Variants in LARP1 observed in about 807,000 individuals in gnomAD.
LARP1 encodes la-related protein 1.
A neutral mutation model predicts 122.7 loss-of-function variants in LARP1; 36 were observed. That is an observed-to-expected ratio of 0.29 (90% confidence interval 0.22 to 0.39). The LOEUF (loss-of-function observed/expected upper bound fraction) is 0.39, where lower values mean the gene tolerates loss of function less well. LARP1 is among the 10% of genes least tolerant of loss of function. LARP1 has a pLI of 1.00. For synonymous variants in LARP1, 539 were observed against 528.7 expected, an observed-to-expected ratio of 1.02 and a Z score of -0.27; for missense variants, 1,040 against 1,403.6, an observed-to-expected ratio of 0.74 and a Z score of 4.14.
intron 1 of LARP1, among the ~76,000 whole-genome samples, chr5:154,777,948 T>G (rs907403936): frequency 6.6e-6 from 1 of 152,192 alleles, no homozygotes; most frequent in Non-Finnish European, 1.5e-5. Flanking sequence ...ATTTGGCTCA[T>G]GACTATACTT....
chr5:154,804,292 G>A lies in LARP1; in HGVS notation c.2531G>A (p.Arg844His), dbSNP rs184912149. 13 of 1,613,624 alleles carry A rather than the reference G, an allele frequency of 8.1e-6. No individual in the cohort carries two copies. Among genetic ancestry groups the A allele is most frequent in the Middle Eastern group, 1.6e-4 (1 of 6,082 alleles). The change falls in exon 14 of 19, where the codon CGT becomes CAT. Residue 844 changes from arginine to histidine, a missense_variant. By Grantham distance (29) the Arg-to-His change is conservative. Coordinates refer to ENST00000518297, the MANE Select transcript of LARP1 (RefSeq NM_033551.3). ...WVMDSREHRP[R>H]TASISSSPSE... ...ATGGATTCCCGTGAGCACAGGCCCC[G>A]TACTGCTTCCATCAGGTACCTGGGG...
At chr5:154,770,487 C>CCTCCCTGCCCATCCCTGGCTCT (rs1349901483) in intron 1 of LARP1, among the ~76,000 whole-genome samples, 47 of 152,122 alleles carry the variant, frequency 3.1e-4, no homozygotes, top group African/African-American at 1.0e-3. Flanking sequence ...TCCCTGGCTC[C>CCTCCCTGCCCATCCCTGGCTCT]CTCCCTGCCC....
At chr5:154,800,613 T>C (rs1007723003) in intron 10 of LARP1, among the ~76,000 whole-genome samples, 1 of 152,166 alleles carries the variant, frequency 6.6e-6, no homozygotes, top group African/African-American at 2.4e-5. Flanking sequence ...AGAAATAGTT[T>C]ATATATATAA....
chr5:154,697,021 T>A (rs1441651097), intron 1 of LARP1, among the ~76,000 whole-genome samples: 1 of 152,124 alleles, frequency 6.6e-6, no homozygotes, highest in Non-Finnish European at 1.5e-5. Context: ...TGATACGCAT[T>A]TGTTTCAGAG....
chr5:154,683,428 A>C (rs1229122501), intron 1 of LARP1, among the ~76,000 whole-genome samples: 1 of 152,118 alleles, frequency 6.6e-6, no homozygotes. Flanking sequence ...CAGATTCCCA[A>C]CTCAAAAAAT....
At chr5:154,811,218 C>T (rs759260453) in intron 16 of LARP1, 29 bp from the exon 17 acceptor site, 1 of 1,551,656 alleles carries the variant, frequency 6.4e-7, no homozygotes, top group South Asian at 1.1e-5. Context: ...GAAGAAACTG[C>T]CCTGATTTCA....
chr5:154,753,021 G>A (rs1160279311), upstream of LARP1, among the ~76,000 whole-genome samples: 1 of 151,960 alleles, frequency 6.6e-6, no homozygotes, highest in Middle Eastern at 3.2e-3. Context: ...CCCAGGGTAG[G>A]CAGATCTCAG....
chr5:154,752,689 A>C (rs1753564533), upstream of LARP1, among the ~76,000 whole-genome samples: 1 of 151,958 alleles, frequency 6.6e-6, no homozygotes, highest in African/African-American at 2.4e-5. Context: ...TTGTAATCCC[A>C]GCACTTTGGG....
intron 1 of LARP1, among the ~76,000 whole-genome samples, chr5:154,766,714 C>T (rs1754985822): frequency 6.6e-6 from 1 of 152,210 alleles, no homozygotes. Context: ...TTCTAACCAT[C>T]AGCTGGTTTT....
At chr5:154,711,089 GAA>G (rs1460686862), upstream of LARP1, among the ~76,000 whole-genome samples, 4 of 151,590 alleles carry the variant, frequency 2.6e-5, no homozygotes, top group Admixed American at 1.3e-4. Flanking sequence ...CTGGAATTTT[GAA>G]GACTACTACA....
At chr5:154,711,331 G>A (rs1422334862), upstream of LARP1, among the ~76,000 whole-genome samples, 2 of 151,994 alleles carry the variant, frequency 1.3e-5, no homozygotes, top group African/African-American at 4.8e-5. Flanking sequence ...TAGTAGAGAC[G>A]GGGTTTCACT....
intron 1 of LARP1, among the ~76,000 whole-genome samples, chr5:154,767,655 C>T (rs1313624968): frequency 2.0e-5 from 3 of 152,206 alleles, no homozygotes; most frequent in Non-Finnish European, 4.4e-5. Context: ...GTAAAACTCT[C>T]CCACTCTCTT....
chr5:154,728,179 C>T (rs1372565803), intron 1 of LARP1, among the ~76,000 whole-genome samples: 6 of 152,136 alleles, frequency 3.9e-5, no homozygotes, highest in Non-Finnish European at 8.8e-5. Flanking sequence ...ATTCCCAGAT[C>T]CCACTCTGTA....
At chr5:154,786,881 CTTTT>C (rs111759565) in intron 1 of LARP1, among the ~76,000 whole-genome samples, 1 of 141,652 alleles carries the variant, frequency 7.1e-6, no homozygotes, top group Non-Finnish European at 1.6e-5. Context: ...TGATTGTTTT[CTTTT>C]TTTTTTTTTT....
At chr5:154,691,869 A>G (rs1041129842) in intron 1 of LARP1, among the ~76,000 whole-genome samples, 2 of 150,228 alleles carry the variant, frequency 1.3e-5, no homozygotes, top group Non-Finnish European at 3.0e-5. Flanking sequence ...GGCTCACTGC[A>G]ACCTCCCCCT....
chr5:154,781,436 C>CA (rs1169114878), intron 1 of LARP1, among the ~76,000 whole-genome samples: 1 of 151,676 alleles, frequency 6.6e-6, no homozygotes, highest in East Asian at 1.9e-4. Flanking sequence ...ACTAAAAATA[C>CA]AAAAAAATTA....
chr5:154,795,060 G>T lies in LARP1; in HGVS notation c.1233-115G>T, dbSNP rs965458585. ...CACTGTTGGTATATAGGATAAGGAT[G>T]GGGTAGGTCAGAGGCTGTGTGAGAT... On this transcript the variant is annotated intron_variant, in intron 7 of 18. Coordinates refer to ENST00000518297, the MANE Select transcript of LARP1 (RefSeq NM_033551.3). The T allele has an allele frequency of 1.1e-5, 10 of 945,656 alleles. No homozygotes were observed. The African/African-American group carries it at 1.6e-4, about 15-fold the overall frequency. 58.6% of individuals were successfully genotyped at this position (945,656 alleles called of 1,614,324 possible). A position where few individuals can be genotyped will look rare whatever the true frequency, so the allele number is the denominator to read the frequency against.
intron 1 of LARP1, among the ~76,000 whole-genome samples, chr5:154,700,487 G>A (rs1056514839): frequency 1.3e-5 from 2 of 151,904 alleles, no homozygotes; most frequent in East Asian, 2.0e-4. Context: ...AGCCATGATC[G>A]TGCTACTGCA....
intron 1 of LARP1, among the ~76,000 whole-genome samples, chr5:154,730,511 C>T (rs1183810006): frequency 2.0e-5 from 3 of 151,002 alleles, no homozygotes; most frequent in Non-Finnish European, 4.4e-5. Context: ...TTGCCGTGGT[C>T]GCCCAGGCTG....
Sources: gnomAD v4.1 joint callset for allele counts (sites outside exome capture counted in the v4.1 genomes callset) on GRCh38, gnomAD v4.1.1 for gene constraint, MANE v1.5 for transcripts, NCBI Gene and HGNC (gene_info 2026-07-23, HGNC 2026-07-21) for gene names.